Variants in LRRC59 observed in about 807,000 individuals in gnomAD.
LRRC59 encodes leucine rich repeat containing 59, also known as leucine-rich repeat-containing protein 59.
LRRC59 carries 18 observed loss-of-function variants against 33.5 expected under a neutral mutation model. That is an observed-to-expected ratio of 0.54 (90% CI 0.37 to 0.80). The LOEUF is 0.80. Among genes scored for constraint, LRRC59 ranks in the 30% least tolerant of loss-of-function variants. The pLI, the probability that LRRC59 is intolerant of heterozygous loss-of-function variation, is 0.00. For missense variants in LRRC59, 330 were observed against 391.9 expected (o/e 0.84, Z 1.33); for synonymous variants, 138 against 160.0 (o/e 0.86, Z 1.04).
At chr17:50,389,266 C>T (rs1309155146) in intron 4 of LRRC59, among the ~76,000 whole-genome samples, 2 of 152,202 alleles carry the variant, frequency 1.3e-5, no homozygotes, top group African/African-American at 4.8e-5. Context: ...ACCACACAAT[C>T]ACAAAGATTC....
chr17:50,386,992 C>G (rs1914019801), intron 5 of LRRC59, among the ~76,000 whole-genome samples: 1 of 152,112 alleles, frequency 6.6e-6, no homozygotes, highest in African/African-American at 2.4e-5. Flanking sequence ...CAGAGGGGCA[C>G]CTGTAGTCCC....
rs1244314046 is a variant in LRRC59, at chr17:50,397,313, G to A, written c.5C>T (p.Thr2Ile). 6.2e-7 allele frequency: 1 copy of A among 1,606,778 alleles called. No individual in the cohort carries two copies. The highest frequency in any genetic ancestry group is 1.3e-5 in the African/African-American group (1 of 74,116). Residue 2 changes from threonine (T) to isoleucine (I), a missense_variant, in exon 1 of 7, where the codon ACC (threonine) becomes ATC (isoleucine). Coordinates refer to ENST00000225972, the MANE Select transcript of LRRC59 (RefSeq NM_018509.4). M[T>I]KAGSKGGNLR... is the part of the protein sequence containing the mutation. ...GTTCCCGCCCTTGCTACCGGCCTTG[G>A]TCATGGTAACGCCGGCTGAGCGGGC...
chr17:50,388,158 T>C (rs1914056519), intron 4 of LRRC59, 26 bp from the exon 5 acceptor site: 1 of 1,605,612 alleles, frequency 6.2e-7, no homozygotes, highest in Non-Finnish European at 8.5e-7. Flanking sequence ...AGGAAAGTAG[T>C]GCTCTTCATA....
At chr17:50,385,335 C>T (rs766068275) in intron 5 of LRRC59, 44 bp from the exon 6 acceptor site, 1 of 1,590,424 alleles carries the variant, frequency 6.3e-7, no homozygotes, top group Admixed American at 1.7e-5. Context: ...CTCACAAACA[C>T]TCCAGCAGTT....
chr17:50,395,140 G>A, intron 1 of LRRC59, 152 bp from the exon 2 acceptor site: 1 of 589,204 alleles, frequency 1.7e-6, no homozygotes, highest in Admixed American at 2.7e-5. Context: ...GGAATAAGAG[G>A]AAAAATAAGC....
At position 50,388,665 on chromosome 17, in the gene LRRC59, A is replaced by G. The variant is rs1914070392; in HGVS notation, c.430-533T>C. On this transcript the variant is annotated intron_variant, in intron 4 of 6. Coordinates refer to ENST00000225972, the MANE Select transcript of LRRC59 (RefSeq NM_018509.4). ...ATGAGCCAAGGTCATTAAAACTGTC[A>G]GAAAAAAGTGAAACACAATGCCAAC... Among the ~76,000 whole-genome samples, 7 of 152,366 alleles carry G rather than the reference A, an allele frequency of 4.6e-5. No homozygotes were observed. In the South Asian group the frequency reaches 1.4e-3, roughly 32 times the overall value.
In LRRC59 at chr17:50,396,341, A is replaced by G. The variant is rs1191030791; in HGVS notation, c.105+872T>C. The G allele has an allele frequency of 2.0e-5, 3 of 152,402 alleles. No individual in the cohort carries two copies. In the East Asian group the frequency reaches 5.8e-4, roughly 29 times the overall value. The allele number at this position is 152,402 out of a possible 1,614,324, so 9.4% of individuals were successfully genotyped here. A position where few individuals can be genotyped will look rare whatever the true frequency, so the allele number is the denominator to read the frequency against. ...GGAGATCTAGGCATAAAGGCTAACT[A>G]GCTTGCCAAGGGCACTCGGCTATTA... On this transcript the variant is annotated intron_variant, in intron 1 of 6. Coordinates refer to ENST00000225972, the MANE Select transcript of LRRC59 (RefSeq NM_018509.4).
At chr17:50,384,028 C>A (rs911624516) in intron 6 of LRRC59, among the ~76,000 whole-genome samples, 1 of 151,182 alleles carries the variant, frequency 6.6e-6, no homozygotes, top group Non-Finnish European at 1.5e-5. Flanking sequence ...CAGGCCTCCA[C>A]TCTCTGTACA....
chr17:50,394,599 G>T (rs1013403471), intron 2 of LRRC59, among the ~76,000 whole-genome samples: 1 of 152,150 alleles, frequency 6.6e-6, no homozygotes, highest in Non-Finnish European at 1.5e-5. Context: ...ATGCAGTAGG[G>T]AGGTAAACTA....
chr17:50,395,072 G>A (rs982058248), intron 1 of LRRC59, 84 bp from the exon 2 acceptor site: 20 of 937,048 alleles, frequency 2.1e-5, no homozygotes, highest in Non-Finnish European at 3.4e-5. Context: ...ATTTTCCAGA[G>A]AATGTTCCCA....
intron 5 of LRRC59, among the ~76,000 whole-genome samples, chr17:50,385,952 G>A (rs1020881319): frequency 6.6e-6 from 1 of 152,206 alleles, no homozygotes; most frequent in Non-Finnish European, 1.5e-5. Context: ...AGCTACCTGG[G>A]AGGCTGAAGT....
intron 6 of LRRC59, among the ~76,000 whole-genome samples, chr17:50,384,480 A>C (rs984749216): frequency 1.3e-5 from 2 of 152,162 alleles, no homozygotes; most frequent in African/African-American, 2.4e-5. Flanking sequence ...TTTAAGAGTA[A>C]ACTTGCCGGG....
chr17:50,390,879 G>A (rs969896896), intron 4 of LRRC59, among the ~76,000 whole-genome samples: 3 of 152,232 alleles, frequency 2.0e-5, no homozygotes, highest in Admixed American at 1.3e-4. Flanking sequence ...CCACTATGCT[G>A]CCTGGAGCTT....
At chr17:50,388,356 T>C (rs1914061089) in intron 4 of LRRC59, among the ~76,000 whole-genome samples, 1 of 152,076 alleles carries the variant, frequency 6.6e-6, no homozygotes, top group African/African-American at 2.4e-5. Flanking sequence ...CTCGGCAACA[T>C]AATGAGACCC....
chr17:50,392,392 GCTTAC>G lies in LRRC59; in HGVS notation c.429+1_429+5del, dbSNP rs757703266. ...AGGAGCCACTGGGAGGGAGCTTGGTGCTTACCTTGTTTGCACACTGCTTACACTGC... is the reference window on the plus strand; with the variant it reads ...AGGAGCCACTGGGAGGGAGCTTGGTGCTTGTTTGCACACTGCTTACACTGC... On this transcript the variant is annotated splice_donor_variant and splice_donor_5th_base_variant and intron_variant, in intron 4 of 6. Coordinates refer to ENST00000225972, the MANE Select transcript of LRRC59 (RefSeq NM_018509.4). LOFTEE classifies it high-confidence loss of function. The G allele has an allele frequency of 6.2e-7, 1 of 1,612,956 alleles. No homozygotes were observed. Among genetic ancestry groups the G allele is most frequent in the East Asian group, 2.2e-5 (1 of 44,872 alleles).
chr17:50,394,911 G>A lies in LRRC59; in HGVS notation c.165+18C>T, dbSNP rs747136975. 1.9e-6 allele frequency: 3 copies of A among 1,584,390 alleles called. No individual in the cohort carries two copies. The South Asian group carries it at 3.4e-5, about 18-fold the overall frequency. On this transcript the variant is annotated intron_variant, in intron 2 of 6. Transcript: ENST00000225972. ...ATCCAAGGCACCAGAAGGAGTCACG[G>A]CTGCATGCCAATCTTACCGGTAGAG...
rs376470834 is a variant in LRRC59, at chr17:50,397,198, C to T, written c.105+15G>A. On this transcript the variant is annotated intron_variant, in intron 1 of 6. Coordinates refer to ENST00000225972, the MANE Select transcript of LRRC59 (RefSeq NM_018509.4). ...GGCGAAGGTGGGCGCCTGGGCCTCG[C>T]GGGACGATACTGACCAGCTCCTTCA... is the stretch of plus-strand genomic sequence containing the variant. 1.1e-3 allele frequency: 1,703 copies of T among 1,535,712 alleles called. 3 individuals carry two copies. The highest frequency in any genetic ancestry group is 1.4e-3 in the Non-Finnish European group (1,617 of 1,139,320).
intron 4 of LRRC59, among the ~76,000 whole-genome samples, chr17:50,392,132 G>A (rs1001657631): frequency 2.0e-5 from 3 of 152,178 alleles, no homozygotes; most frequent in East Asian, 1.9e-4. Context: ...CCTGGGAGGC[G>A]GAGGTTGGAG....
At chr17:50,395,089 G>T in intron 1 of LRRC59, 101 bp from the exon 2 acceptor site, 2 of 776,134 alleles carry the variant, frequency 2.6e-6, no homozygotes, top group Non-Finnish European at 4.4e-6. Context: ...CCCATGATTA[G>T]GAAAGGCCTT....
Sources: gnomAD v4.1 joint callset for allele counts (sites outside exome capture counted in the v4.1 genomes callset) on GRCh38, gnomAD v4.1.1 for gene constraint, MANE v1.5 for transcripts, NCBI Gene and HGNC (gene_info 2026-07-23, HGNC 2026-07-21) for gene names.